The following CACNA1B variants were observed in gnomAD, a reference collection of about 807,000 sequenced individuals.
CACNA1B encodes the protein calcium voltage-gated channel subunit alpha1 B, also known as voltage-dependent N-type calcium channel subunit alpha-1B.
A neutral mutation model predicts 247.2 loss-of-function variants in CACNA1B; 70 were observed. The ratio of observed to expected loss-of-function variants is 0.28; its 90% CI spans 0.23 to 0.35. The LOEUF is 0.35. Among genes scored for constraint, CACNA1B ranks in the 10% least tolerant of loss-of-function variants. The probability of loss-of-function intolerance (pLI) is 1.00; values close to 1 mark genes in which losing one functional copy is unlikely to be tolerated. For synonymous variants in CACNA1B, 1,231 were observed against 1,294.4 expected, an observed-to-expected ratio of 0.95 and a Z score of 1.05; for missense variants, 2,367 against 3,197.4, an observed-to-expected ratio of 0.74 and a Z score of 6.26.
At chr9:137,903,611 G>A (rs1219440804) in intron 3 of CACNA1B, among the ~76,000 whole-genome samples, 1 of 152,092 alleles carries the variant, frequency 6.6e-6, no homozygotes, top group Non-Finnish European at 1.5e-5. Flanking sequence ...TCATTTTGTT[G>A]TAGTCCCAAT....
At chr9:137,933,288 T>C (rs1440017683) in intron 6 of CACNA1B, among the ~76,000 whole-genome samples, 2 of 152,164 alleles carry the variant, frequency 1.3e-5, no homozygotes, top group Non-Finnish European at 2.9e-5. Flanking sequence ...CCTGACCTCA[T>C]GATCTGCCCG....
At chr9:137,907,994 G>T (rs182840123) in intron 3 of CACNA1B, among the ~76,000 whole-genome samples, 3 of 152,142 alleles carry the variant, frequency 2.0e-5, no homozygotes, top group East Asian at 1.9e-4. Context: ...GGTTTCATAC[G>T]TCAGGCCTGT....
At chr9:138,117,472 T>A (rs370540133) in intron 42 of CACNA1B, among the ~76,000 whole-genome samples, 1 of 152,222 alleles carries the variant, frequency 6.6e-6, no homozygotes, top group East Asian at 1.9e-4. Flanking sequence ...TCTCTTGCTG[T>A]CTGCTGGCAT....
intron 6 of CACNA1B, among the ~76,000 whole-genome samples, chr9:137,918,113 C>A (rs1338024552): frequency 6.6e-6 from 1 of 152,190 alleles, no homozygotes; most frequent in African/African-American, 2.4e-5. Flanking sequence ...GTCCTGTTTC[C>A]TCTTTGGTCT....
chr9:137,920,651 G>A (rs982759032), intron 6 of CACNA1B, among the ~76,000 whole-genome samples: 4 of 152,222 alleles, frequency 2.6e-5, no homozygotes, highest in Non-Finnish European at 5.9e-5. Context: ...ATGTTTGGAG[G>A]CGCAGTGGAG....
In CACNA1B at chr9:138,023,665, G is replaced by GCCGGCGCGGCGGCAC; in HGVS notation, c.2924_2938dup (p.Pro975_His979dup). 1 of 1,493,516 alleles carries GCCGGCGCGGCGGCAC rather than the reference G, an allele frequency of 6.7e-7. No homozygotes were observed. Among genetic ancestry groups the GCCGGCGCGGCGGCAC allele is most frequent in the Non-Finnish European group, 8.9e-7 (1 of 1,119,858 alleles). The allele number at this position is 1,493,516 out of a possible 1,614,324, so 92.5% of individuals were successfully genotyped here. A position where few individuals can be genotyped will look rare whatever the true frequency, so the allele number is the denominator to read the frequency against. On this transcript the variant is annotated inframe_insertion, in exon 19 of 47. Coordinates refer to ENST00000371372, the MANE Select transcript of CACNA1B (RefSeq NM_000718.4). ...CCCGGGAGGCGGAGAGCGGGGAGGA[G>GCCGGCGCGGCGGCAC]CCGGCGCGGCGGCACCGGGCCCGGC...
chr9:138,048,363 A>G (rs7020939), intron 23 of CACNA1B, among the ~76,000 whole-genome samples: 26,880 of 152,116 alleles, frequency 0.18, 6,830 homozygotes, highest in African/African-American at 0.56. Context: ...GGCCATGTGT[A>G]CCTACAGCCC....
chr9:137,909,919 C>T (rs1012973410), intron 3 of CACNA1B, among the ~76,000 whole-genome samples: 1 of 152,076 alleles, frequency 6.6e-6, no homozygotes, highest in South Asian at 2.1e-4. Flanking sequence ...TACAGGCCCC[C>T]ATCACCATGC....
intron 15 of CACNA1B, among the ~76,000 whole-genome samples, chr9:137,996,441 C>T (rs1256190737): frequency 2.6e-5 from 4 of 151,996 alleles, no homozygotes; most frequent in African/African-American, 7.3e-5. Flanking sequence ...TGTTCTCACT[C>T]ATAAGTGGGA....
intron 16 of CACNA1B, among the ~76,000 whole-genome samples, chr9:138,009,725 G>T (rs1377626535): frequency 6.6e-6 from 1 of 152,204 alleles, no homozygotes; most frequent in Non-Finnish European, 1.5e-5. Context: ...CAGCCCGAAA[G>T]AGCTGGGTTG....
At chr9:138,042,180 C>A (rs574356965) in intron 20 of CACNA1B, among the ~76,000 whole-genome samples, 1 of 152,262 alleles carries the variant, frequency 6.6e-6, no homozygotes, top group Non-Finnish European at 1.5e-5. Context: ...AAAAAACTTA[C>A]AACACACGCC....
intron 20 of CACNA1B, among the ~76,000 whole-genome samples, chr9:138,033,793 C>T (rs746473370): frequency 2.0e-4 from 30 of 152,092 alleles, no homozygotes; most frequent in Non-Finnish European, 4.1e-4. Flanking sequence ...CTCACTATCA[C>T]GAGAACAGCA....
Position 138,020,942 on chromosome 9 carries a change from G to A in CACNA1B, c.2268-2069G>A, listed in dbSNP as rs568514577. ...CCTGTCTTTTTGGAACTGCAATGCT[G>A]GTCCCCAAGATTCACGGCTTCATCA... On this transcript the variant is annotated intron_variant, in intron 18 of 46. Transcript: ENST00000371372. The surrounding 1 kb of genome is among the most constrained non-coding windows in gnomAD (Gnocchi z 4.1). Among the ~76,000 whole-genome samples the A allele has an allele frequency of 2.0e-5, 3 of 152,316 alleles. No individual in the cohort carries two copies. In the South Asian group the frequency reaches 6.2e-4, roughly 32 times the overall value.
Position 138,054,829 on chromosome 9 carries a change from G to A in CACNA1B, c.3968+823G>A, listed in dbSNP as rs1959435077. 1.3e-5 allele frequency among the ~76,000 whole-genome samples: 2 copies of A among 152,148 alleles called. No individual in the cohort carries two copies. The highest frequency in any genetic ancestry group is 2.1e-4 in the South Asian group (1 of 4,820). ...GCTAAATCTTGGTGTTTTCTTTCTC[G>A]CCTTTCTGGGTGTAGTGGTCATTCA... On this transcript the variant is annotated intron_variant, in intron 26 of 46. Coordinates refer to ENST00000371372, the MANE Select transcript of CACNA1B (RefSeq NM_000718.4). This position sits in a 1 kb window ranked among gnomAD's most constrained non-coding sequence, Gnocchi z 4.6.
chr9:138,005,584 AT>A (rs1471866297), intron 15 of CACNA1B, among the ~76,000 whole-genome samples: 1 of 152,244 alleles, frequency 6.6e-6, no homozygotes, highest in Non-Finnish European at 1.5e-5. Flanking sequence ...TATATTGTCT[AT>A]TTCAAAATAA....
At chr9:138,120,463 G>C in intron 45 of CACNA1B, 91 bp downstream of exon 45, 1 of 1,419,668 alleles carries the variant, frequency 7.0e-7, no homozygotes, top group Non-Finnish European at 9.4e-7. Flanking sequence ...CTTCCTTTGT[G>C]GGCCTCGTGA....
intron 34 of CACNA1B, among the ~76,000 whole-genome samples, chr9:138,074,397 C>CTATAATTTAGATTGTGT (rs1430726066): frequency 1.3e-5 from 2 of 152,134 alleles, no homozygotes; most frequent in East Asian, 3.9e-4. Flanking sequence ...TGTGCCACCA[C>CTATAATTTAGATTGTGT]GCCCGGCTAA....
chr9:138,026,006 A>G (rs1031518801), intron 20 of CACNA1B, among the ~76,000 whole-genome samples: 1 of 152,222 alleles, frequency 6.6e-6, no homozygotes, highest in Non-Finnish European at 1.5e-5. Context: ...GTGCCACCAC[A>G]TGCATGCCCA....
chr9:137,928,267 T>G (rs1957573864), intron 6 of CACNA1B, among the ~76,000 whole-genome samples: 1 of 152,138 alleles, frequency 6.6e-6, no homozygotes, highest in Admixed American at 6.5e-5. Context: ...CTGGCTAATT[T>G]TTTGTATTTT....
Sources: allele counts gnomAD v4.1 joint callset (sites outside exome capture counted in the v4.1 genomes callset), GRCh38; gene constraint gnomAD v4.1.1; non-coding constraint Gnocchi (gnomAD v3.1); transcripts MANE v1.5; gene names NCBI Gene and HGNC (gene_info 2026-07-23, HGNC 2026-07-21).